FREM2: variants seen among roughly 807,000 people sequenced by gnomAD.
FREM2 encodes FRAS1 related extracellular matrix 2.
In FREM2, 119 loss-of-function variants were observed where a neutral mutation model predicts 219.9. The ratio of observed to expected loss-of-function variants is 0.54; its 90% CI spans 0.47 to 0.63. The LOEUF is 0.63. Ranked by LOEUF, FREM2 falls within the 30% of genes least tolerant of loss-of-function variation. The pLI is 0.00. For missense variants in FREM2, 4,030 were observed against 3,993.6 expected, an observed-to-expected ratio of 1.01 and a Z score of -0.25; for synonymous variants, 1,562 against 1,522.8, an observed-to-expected ratio of 1.03 and a Z score of -0.60.
At chr13:38,823,958 G>A (rs539564426) in intron 6 of FREM2, among the ~76,000 whole-genome samples, 19 of 152,260 alleles carry the variant, frequency 1.2e-4, no homozygotes, top group African/African-American at 4.1e-4. Context: ...CCAACTTGGA[G>A]AGAGTATTTC....
chr13:38,731,621 C>T (rs1167421160), intron 2 of FREM2, among the ~76,000 whole-genome samples: 2 of 152,182 alleles, frequency 1.3e-5, no homozygotes, highest in East Asian at 3.8e-4. Flanking sequence ...TGGATTTTCA[C>T]AAAAGTAAAA....
chr13:38,737,878 A>G (rs768938244), intron 2 of FREM2, among the ~76,000 whole-genome samples: 2 of 152,226 alleles, frequency 1.3e-5, no homozygotes, highest in Non-Finnish European at 2.9e-5. Flanking sequence ...TGGAAATGGT[A>G]TGATGTAAGC....
intron 4 of FREM2, among the ~76,000 whole-genome samples, chr13:38,774,831 A>G (rs990073150): frequency 2.6e-5 from 4 of 152,198 alleles, no homozygotes; most frequent in Non-Finnish European, 4.4e-5. Flanking sequence ...TACTTAGTAC[A>G]GGTACCTAAA....
In FREM2 at chr13:38,687,219, T is replaced by C; in HGVS notation, c.-126T>C. On this transcript the variant is annotated 5_prime_UTR_variant, in exon 1 of 24. Coordinates refer to ENST00000280481, the MANE Select transcript of FREM2 (RefSeq NM_207361.6). ...GCCATCCTTCTGGCCCAGCCCCGGC[T>C]ACAGGAGGACCCCGCGGGCAACGCG... 1 of 1,360,022 alleles carries C rather than the reference T, an allele frequency of 7.4e-7. No homozygotes were observed. Among genetic ancestry groups the C allele is most frequent in the Non-Finnish European group, 1.0e-6 (1 of 980,880 alleles). 84.2% of individuals were successfully genotyped at this position (1,360,022 alleles called of 1,614,324 possible).
chr13:38,860,343 T>G (rs777534845), intron 14 of FREM2, among the ~76,000 whole-genome samples: 1 of 152,130 alleles, frequency 6.6e-6, no homozygotes, highest in Non-Finnish European at 1.5e-5. Flanking sequence ...GGGACAACAT[T>G]GGAAAGACAG....
chr13:38,707,774 C>A (rs1035985325), intron 2 of FREM2, among the ~76,000 whole-genome samples: 7 of 152,180 alleles, frequency 4.6e-5, no homozygotes, highest in Admixed American at 2.0e-4. Context: ...TTTTGTGTCC[C>A]CGTAATACTT....
chr13:38,740,930 A>AAG (rs1301409352), intron 2 of FREM2, among the ~76,000 whole-genome samples: 6 of 152,210 alleles, frequency 3.9e-5, no homozygotes, highest in Non-Finnish European at 8.8e-5. Flanking sequence ...CTTGAAAGCA[A>AAG]AGAATAAGTT....
intron 4 of FREM2, among the ~76,000 whole-genome samples, chr13:38,773,267 C>T (rs1873739899): frequency 6.6e-6 from 1 of 152,092 alleles, no homozygotes; most frequent in South Asian, 2.1e-4. Flanking sequence ...TCACCCCCTG[C>T]CCCCATGCCT....
chr13:38,766,118 GTTTA>G (rs1566134323), intron 3 of FREM2, among the ~76,000 whole-genome samples: 2 of 152,140 alleles, frequency 1.3e-5, no homozygotes. Flanking sequence ...CTCCTGGTGA[GTTTA>G]TTTAATTTTT....
intron 20 of FREM2, among the ~76,000 whole-genome samples, chr13:38,876,912 A>G (rs1029305553): frequency 2.0e-5 from 3 of 152,222 alleles, no homozygotes; most frequent in Non-Finnish European, 4.4e-5. Flanking sequence ...AGTCCCATTC[A>G]AAAAATGACT....
chr13:38,820,384 T>C (rs567954653), intron 6 of FREM2, among the ~76,000 whole-genome samples: 36 of 152,212 alleles, frequency 2.4e-4, no homozygotes, highest in Admixed American at 1.5e-3. Context: ...CTTACAGACA[T>C]CAAAGAATAC....
chr13:38,714,848 G>A (rs1302916544), intron 2 of FREM2, among the ~76,000 whole-genome samples: 1 of 152,008 alleles, frequency 6.6e-6, no homozygotes, highest in South Asian at 2.1e-4. Flanking sequence ...ACTTTTGGGA[G>A]GCCAAGGCAG....
chr13:38,712,683 C>T (rs1256516525), intron 2 of FREM2, among the ~76,000 whole-genome samples: 1 of 151,778 alleles, frequency 6.6e-6, no homozygotes, highest in African/African-American at 2.4e-5. Flanking sequence ...CACAAACACA[C>T]ACACACACAA....
chr13:38,774,546 G>C (rs1173230241), intron 4 of FREM2, among the ~76,000 whole-genome samples: 1 of 152,118 alleles, frequency 6.6e-6, no homozygotes, highest in African/African-American at 2.4e-5. Context: ...AGAAGGAAAG[G>C]CTTCTAGGAT....
rs111283083 is a variant in FREM2 at position 38,784,746 on chromosome 13, G to A, written c.5957G>A (p.Gly1986Glu). The A allele has an allele frequency of 3.0e-5, 48 of 1,614,168 alleles. No individual in the cohort carries two copies. In the African/African-American group the frequency reaches 5.1e-4, roughly 17 times the overall value. The change falls in exon 6 of 24, where the codon GGG becomes GAG. Residue 1986 changes from glycine to glutamate, a missense_variant. Physicochemically the swap from Gly to Glu is moderately conservative, Grantham distance 98. This residue lies in a region of FREM2 where 3,102 missense variants were observed against 2,950.7 expected (regional missense o/e 1.05). Transcript: ENST00000280481. ...CATGTCCTTCTGAGCATGCCCATGG[G>A]GGGAAGAATCGGATCAGAGTTCCCA... is the stretch of plus-strand genomic sequence containing the variant. ...TFHVLLSMPM[G>E]GRIGSEFPGA...
Position 38,689,744 on chromosome 13 carries a change from C to T in FREM2, c.2400C>T (p.Ala800=), listed in dbSNP as rs1393323830. The T allele has an allele frequency of 1.9e-6, 3 of 1,613,126 alleles. No homozygotes were observed. The highest frequency in any genetic ancestry group is 2.2e-5 in the East Asian group (1 of 44,864). ...GQELGVATRV[A]QFQFQVEDRA... is the part of the protein sequence containing the mutation. ...AACTGGGCGTGGCTACTCGAGTGGC[C>T]CAGTTCCAGTTCCAGGTGGAAGACC... Residue 800 remains alanine (A), a synonymous_variant, in exon 1 of 24, where the codon GCC becomes GCT. Transcript: ENST00000280481.
At chr13:38,783,974 C>T (rs1874224981) in intron 5 of FREM2, among the ~76,000 whole-genome samples, 1 of 152,234 alleles carries the variant, frequency 6.6e-6, no homozygotes, top group South Asian at 2.1e-4. Flanking sequence ...GCGCACGCGC[C>T]TGTAATCTCA....
chr13:38,860,090 G>A (rs1877708040), intron 14 of FREM2, among the ~76,000 whole-genome samples: 1 of 152,124 alleles, frequency 6.6e-6, no homozygotes. Context: ...AAGCTTCTGA[G>A]AGGGAGAGGA....
chr13:38,769,044 A>G (rs995091616), intron 3 of FREM2, among the ~76,000 whole-genome samples: 10 of 152,344 alleles, frequency 6.6e-5, no homozygotes, highest in African/African-American at 2.4e-4. Flanking sequence ...TACATTTTTT[A>G]AAGGATCTTA....
Sources: allele counts gnomAD v4.1 joint callset (sites outside exome capture counted in the v4.1 genomes callset), GRCh38; gene constraint gnomAD v4.1.1; regional missense constraint gnomAD v4.1.1; transcripts MANE v1.5; gene names NCBI Gene and HGNC (gene_info 2026-07-23, HGNC 2026-07-21).